DIAPH2: variants seen among roughly 807,000 people sequenced by gnomAD.
DIAPH2 encodes diaphanous related formin 2.
A neutral mutation model predicts 92.7 loss-of-function variants in DIAPH2; 35 were observed. The observed-to-expected ratio is 0.38, with a 90% confidence interval of 0.29 to 0.50. The LOEUF is 0.50. DIAPH2 is among the 20% of genes least tolerant of loss of function. The pLI, the probability that DIAPH2 is intolerant of heterozygous loss-of-function variation, is 0.94. For missense variants in DIAPH2, 701 were observed against 819.5 expected (o/e 0.86, Z 1.77); for synonymous variants, 301 against 280.4 (o/e 1.07, Z -0.73).
chrX:97,493,848 C>T (rs1404126969), intron 26 of DIAPH2, among the ~76,000 whole-genome samples: 3 of 108,073 alleles, frequency 2.8e-5, no homozygotes, highest in Non-Finnish European at 5.7e-5. Flanking sequence ...GATTGTGCCA[C>T]TGCACTCTAG....
At chrX:96,916,191 C>T (rs988843077) in intron 7 of DIAPH2, among the ~76,000 whole-genome samples, 3 of 110,693 alleles carry the variant, frequency 2.7e-5, no homozygotes, top group Non-Finnish European at 5.7e-5. Context: ...CCATATTTCT[C>T]CAAATTTATG....
chrX:97,540,046 A>C (rs1224011240), intron 26 of DIAPH2, among the ~76,000 whole-genome samples: 1 of 111,938 alleles, frequency 8.9e-6, no homozygotes, highest in Non-Finnish European at 1.9e-5. Flanking sequence ...CAGAAGCATT[A>C]ATTTAAGTGA....
At chrX:97,518,554 G>GTA (rs960320052) in intron 26 of DIAPH2, among the ~76,000 whole-genome samples, 11 of 109,374 alleles carry the variant, frequency 1.0e-4, no homozygotes, top group South Asian at 3.9e-4. Context: ...GTTTGTGTGT[G>GTA]TATATATATA....
At position 97,600,053 on chromosome X, in the gene DIAPH2, T is replaced by G. The variant is rs980046603; in HGVS notation, c.*736T>G. ...GATTTAAACTTTATTTAAAGAGGTA[T>G]TTTCTAATTATGCACAGATATCTAC... On this transcript the variant is annotated 3_prime_UTR_variant, in exon 27 of 27. Coordinates refer to ENST00000324765, the MANE Select transcript of DIAPH2 (RefSeq NM_006729.5). 3.5e-5 allele frequency: 4 copies of G among 112,858 alleles called. No individual in the cohort carries two copies. In the East Asian group the frequency reaches 1.1e-3, roughly 31 times the overall value. The allele number at this position is 112,858 out of a possible 1,213,427, so 9.3% of individuals were successfully genotyped here. A position where few individuals can be genotyped will look rare whatever the true frequency, so the allele number is the denominator to read the frequency against.
At chrX:97,067,739 T>A (rs1237400990) in intron 17 of DIAPH2, among the ~76,000 whole-genome samples, 1 of 112,198 alleles carries the variant, frequency 8.9e-6, no homozygotes, top group Non-Finnish European at 1.9e-5. Flanking sequence ...ATTTTTCCAC[T>A]CAGCATTGTA....
intron 1 of DIAPH2, 43 bp from the exon 2 acceptor site, chrX:96,735,710 CTCTTA>C (rs2064082578): frequency 4.2e-6 from 3 of 722,251 alleles, no homozygotes; most frequent in African/African-American, 2.2e-5. Flanking sequence ...CTATGAGTTT[CTCTTA>C]TCTGATGGGT....
intron 26 of DIAPH2, among the ~76,000 whole-genome samples, chrX:97,510,767 A>G (rs1409530928): frequency 1.0e-5 from 1 of 95,255 alleles, no homozygotes; most frequent in Non-Finnish European, 2.1e-5. Flanking sequence ...TAAATAGGGA[A>G]TCCTTTCCCC....
At chrX:97,043,964 G>A in intron 17 of DIAPH2, among the ~76,000 whole-genome samples, 1 of 112,062 alleles carries the variant, frequency 8.9e-6, no homozygotes, top group African/African-American at 3.2e-5. Flanking sequence ...TTTTACCATA[G>A]TGTAACTTTA....
chrX:97,465,153 A>T (rs1024930554), intron 26 of DIAPH2, among the ~76,000 whole-genome samples: 2 of 111,096 alleles, frequency 1.8e-5, no homozygotes, highest in African/African-American at 6.6e-5. Context: ...GGCCATGGCT[A>T]CATAAATATT....
intron 22 of DIAPH2, among the ~76,000 whole-genome samples, chrX:97,231,366 T>G (rs1007960005): frequency 9.1e-6 from 1 of 109,477 alleles, no homozygotes; most frequent in Non-Finnish European, 1.9e-5. Flanking sequence ...AGTTCAGTCA[T>G]CTCTTAACAT....
intron 23 of DIAPH2, among the ~76,000 whole-genome samples, chrX:97,295,605 C>A (rs1302292811): frequency 9.0e-6 from 1 of 111,565 alleles, no homozygotes; most frequent in African/African-American, 3.3e-5. Flanking sequence ...AAATTAGGGA[C>A]CTTCCTAAAT....
At chrX:97,103,642 A>C in intron 20 of DIAPH2, among the ~76,000 whole-genome samples, 1 of 111,416 alleles carries the variant, frequency 9.0e-6, no homozygotes, top group Non-Finnish European at 1.9e-5. Context: ...TCCCGCTACC[A>C]CTTTTGCCCT....
chrX:96,822,768 C>G (rs1481553788), intron 4 of DIAPH2, among the ~76,000 whole-genome samples: 1 of 111,788 alleles, frequency 8.9e-6, no homozygotes, highest in Admixed American at 9.5e-5. Flanking sequence ...TTTTATAAAT[C>G]AAGAACATAG....
chrX:97,551,612 TA>T (rs2071220421), intron 26 of DIAPH2, among the ~76,000 whole-genome samples: 1 of 109,640 alleles, frequency 9.1e-6, no homozygotes, highest in African/African-American at 3.3e-5. Flanking sequence ...AAAAAAAAAT[TA>T]AAATTAAATT....
chrX:96,957,773 C>A, intron 15 of DIAPH2, 55 bp from the exon 16 acceptor site: 1 of 850,371 alleles, frequency 1.2e-6, no homozygotes, highest in Non-Finnish European at 1.7e-6. Flanking sequence ...TATATTTCTT[C>A]AGTTTTTTCA....
chrX:96,845,178 C>T (rs910181782), intron 4 of DIAPH2, among the ~76,000 whole-genome samples: 6 of 111,700 alleles, frequency 5.4e-5, no homozygotes, highest in Non-Finnish European at 5.6e-5. Flanking sequence ...TAAGGTTGCA[C>T]TGCAATTTTT....
intron 26 of DIAPH2, among the ~76,000 whole-genome samples, chrX:97,463,763 G>A (rs751789080): frequency 9.0e-6 from 1 of 110,800 alleles, no homozygotes; most frequent in South Asian, 3.9e-4. Context: ...CTTTTATAGT[G>A]GGGGAAACTG....
intron 23 of DIAPH2, among the ~76,000 whole-genome samples, chrX:97,328,805 C>T (rs2068973268): frequency 9.0e-6 from 1 of 111,030 alleles, no homozygotes; most frequent in Non-Finnish European, 1.9e-5. Flanking sequence ...GACTAATATA[C>T]AGCCACATTC....
chrX:96,758,021 A>G, intron 3 of DIAPH2, 133 bp from the exon 4 acceptor site: 1 of 529,179 alleles, frequency 1.9e-6, no homozygotes, highest in Non-Finnish European at 2.9e-6. Flanking sequence ...AGTATCCCAA[A>G]AAAGGATTTT....
Sources: gnomAD v4.1 joint callset for allele counts (sites outside exome capture counted in the v4.1 genomes callset) on GRCh38, gnomAD v4.1.1 for gene constraint, MANE v1.5 for transcripts, NCBI Gene and HGNC (gene_info 2026-07-23, HGNC 2026-07-21) for gene names.